Variants in MTHFD1L observed in about 807,000 individuals in gnomAD.
MTHFD1L encodes the protein monofunctional C1-tetrahydrofolate synthase, mitochondrial.
MTHFD1L carries 81 observed loss-of-function variants against 119.5 expected under a neutral mutation model. The ratio of observed to expected loss-of-function variants is 0.68; its 90% confidence interval spans 0.57 to 0.82. The LOEUF is 0.82. MTHFD1L is among the 40% of genes least tolerant of loss of function. The probability of loss-of-function intolerance (pLI) is 0.00; values close to 1 mark genes in which losing one functional copy is unlikely to be tolerated. For missense variants in MTHFD1L, 1,125 were observed against 1,253.4 expected (o/e 0.90, Z 1.55); for synonymous variants, 430 against 475.2 (o/e 0.90, Z 1.24).
chr6:151,082,715 C>T (rs1364292830), intron 26 of MTHFD1L, among the ~76,000 whole-genome samples: 1 of 151,978 alleles, frequency 6.6e-6, no homozygotes, highest in Non-Finnish European at 1.5e-5. Context: ...AACTAGGGTC[C>T]TTCATCTCAT....
intron 8 of MTHFD1L, among the ~76,000 whole-genome samples, chr6:150,912,068 T>C (rs140319730): frequency 5.8e-4 from 89 of 152,224 alleles, no homozygotes; most frequent in African/African-American, 2.0e-3. Context: ...TCACTCACTA[T>C]CATGAGAACA....
At chr6:150,998,216 C>T (rs747999862) in intron 20 of MTHFD1L, among the ~76,000 whole-genome samples, 4 of 152,104 alleles carry the variant, frequency 2.6e-5, no homozygotes, top group Admixed American at 6.5e-5. Context: ...ACTACTGGGA[C>T]TCTATCTTGG....
chr6:150,957,520 C>G (rs1320723848), intron 17 of MTHFD1L, among the ~76,000 whole-genome samples: 1 of 151,844 alleles, frequency 6.6e-6, no homozygotes, highest in Non-Finnish European at 1.5e-5. Context: ...ATGAAAAGAA[C>G]AAGAAAATGT....
intron 1 of MTHFD1L, chr6:150,866,420 G>T: frequency 7.4e-7 from 1 of 1,356,244 alleles, no homozygotes; most frequent in Non-Finnish European, 9.4e-7. Context: ...GCGGAAACCA[G>T]GGGAGGGGGC....
chr6:151,001,834 A>G lies in MTHFD1L; in HGVS notation c.2126-7985A>G, dbSNP rs148631999. ...CCCTGCTGCTGCCCCAGAACTCATC[A>G]CTGTTGACACATGGACCAAGAACTA... is the stretch of plus-strand genomic sequence containing the variant. On this transcript the variant is annotated intron_variant, in intron 20 of 27. Transcript: ENST00000367321. Among the ~76,000 whole-genome samples the G allele has an allele frequency of 2.2e-3, 341 of 152,254 alleles. 1 individual carries two copies. Among genetic ancestry groups the G allele is most frequent in the African/African-American group, 7.8e-3 (323 of 41,536 alleles).
intron 20 of MTHFD1L, among the ~76,000 whole-genome samples, chr6:150,978,862 G>A (rs1056554250): frequency 1.3e-5 from 2 of 152,112 alleles, no homozygotes; most frequent in Admixed American, 6.5e-5. Context: ...GCTCCTCCTC[G>A]CCAAAGCTTG....
chr6:151,024,241 A>T (rs1389507554), intron 24 of MTHFD1L, among the ~76,000 whole-genome samples: 1 of 152,168 alleles, frequency 6.6e-6, no homozygotes, highest in Non-Finnish European at 1.5e-5. Context: ...CAGATGCATC[A>T]TGAGAACACT....
At chr6:151,080,727 G>A (rs1360901846) in intron 26 of MTHFD1L, among the ~76,000 whole-genome samples, 1 of 152,230 alleles carries the variant, frequency 6.6e-6, no homozygotes, top group East Asian at 1.9e-4. Flanking sequence ...GGAAGTCCAA[G>A]ATCAGGGTGC....
intron 10 of MTHFD1L, among the ~76,000 whole-genome samples, chr6:150,924,296 T>C (rs895768839): frequency 2.7e-5 from 4 of 149,720 alleles, no homozygotes; most frequent in Non-Finnish European, 5.9e-5. Context: ...TCTCTGCTCA[T>C]TGTAACCTTC....
chr6:150,887,156 T>G (rs1276009600), intron 6 of MTHFD1L, among the ~76,000 whole-genome samples: 1 of 152,114 alleles, frequency 6.6e-6, no homozygotes, highest in Non-Finnish European at 1.5e-5. Flanking sequence ...AAGGTTAACA[T>G]TCAGGATATA....
At chr6:150,978,534 G>A (rs920562724) in intron 20 of MTHFD1L, among the ~76,000 whole-genome samples, 2 of 152,160 alleles carry the variant, frequency 1.3e-5, no homozygotes, top group Admixed American at 1.3e-4. Flanking sequence ...AACACAGGGT[G>A]ATCTTTGCCT....
At position 151,094,695 on chromosome 6, in the gene MTHFD1L, CA is replaced by C. The variant is rs111359793; in HGVS notation, c.*31+2109del. ...AGCAGTTGGGATTACAGGCGTCCAC[CA>C]CCATGCCCAGCTAGTTTTTTTATTT... On this transcript the variant is annotated intron_variant, in intron 27 of 27. Coordinates refer to ENST00000367321, the MANE Select transcript of MTHFD1L (RefSeq NM_015440.5). Among the ~76,000 whole-genome samples the C allele has an allele frequency of 9.5e-3, 1,441 of 152,280 alleles. 31 individuals are homozygous for C. The highest frequency in any genetic ancestry group is 0.032 in the African/African-American group (1,339 of 41,548).
chr6:150,876,513 G>T (rs1780471080), intron 2 of MTHFD1L, among the ~76,000 whole-genome samples: 1 of 152,178 alleles, frequency 6.6e-6, no homozygotes, highest in South Asian at 2.1e-4. Flanking sequence ...GGGAAAAAGT[G>T]GCACTTTGTT....
At chr6:150,866,408 G>C in intron 1 of MTHFD1L, 1 of 1,365,242 alleles carries the variant, frequency 7.3e-7, no homozygotes, top group Non-Finnish European at 9.4e-7. Flanking sequence ...GGTGCGGCTG[G>C]GGCGGAAACC....
intron 7 of MTHFD1L, among the ~76,000 whole-genome samples, chr6:150,889,306 G>A (rs1562322589): frequency 6.6e-6 from 1 of 152,132 alleles, no homozygotes; most frequent in Non-Finnish European, 1.5e-5. Flanking sequence ...ATACCTAAAT[G>A]TGGAAAGCAA....
At chr6:151,058,467 C>T (rs1790252803) in intron 26 of MTHFD1L, among the ~76,000 whole-genome samples, 1 of 152,252 alleles carries the variant, frequency 6.6e-6, no homozygotes, top group African/African-American at 2.4e-5. Context: ...GACCTACTGG[C>T]TGACAGCCAG....
chr6:150,919,714 A>G (rs1450720008), intron 9 of MTHFD1L, among the ~76,000 whole-genome samples: 1 of 152,194 alleles, frequency 6.6e-6, no homozygotes, highest in Non-Finnish European at 1.5e-5. Context: ...GAACTCATTC[A>G]CTATCACAAG....
chr6:150,886,860 G>A lies in MTHFD1L; in HGVS notation c.644-985G>A, dbSNP rs764450461. ...TTTTTTTTTTAATTAGCCAGGTGTG[G>A]TGACTTGTGCCTGTAGTCCCGGCTA... On this transcript the variant is annotated intron_variant, in intron 6 of 27. Coordinates refer to ENST00000367321, the MANE Select transcript of MTHFD1L (RefSeq NM_015440.5). Among the ~76,000 whole-genome samples, 24 of 151,568 alleles carry A rather than the reference G, an allele frequency of 1.6e-4. 1 individual carries two copies. Among genetic ancestry groups the A allele is most frequent in the African/African-American group, 4.8e-5 (2 of 41,270 alleles).
rs551412816 is a variant in MTHFD1L, at chr6:151,039,143, C to T, written c.2847+2026C>T. On this transcript the variant is annotated intron_variant, in intron 26 of 27. Coordinates refer to ENST00000367321, the MANE Select transcript of MTHFD1L (RefSeq NM_015440.5). The surrounding 1 kb of genome is among the most constrained non-coding windows in gnomAD (Gnocchi z 4.4). The stretch of plus-strand genomic sequence containing the variant: ...ACACCCACGTTAATGCAGCCGACTC[C>T]TAGCAGGGGTGCCTTCCAGGAGGCG... 2.2e-4 allele frequency among the ~76,000 whole-genome samples: 34 copies of T among 152,246 alleles called. 1 individual carries two copies. In the South Asian group the frequency reaches 3.1e-3, roughly 14 times the overall value.
Sources: gnomAD v4.1 joint callset for allele counts (sites outside exome capture counted in the v4.1 genomes callset) on GRCh38, gnomAD v4.1.1 for gene constraint, Gnocchi (gnomAD v3.1) non-coding constraint, MANE v1.5 for transcripts, NCBI Gene and HGNC (gene_info 2026-07-23, HGNC 2026-07-21) for gene names.